The following MUC5B variants were observed in gnomAD, a reference collection of about 807,000 sequenced individuals.
MUC5B encodes the protein mucin 5B, oligomeric mucus/gel-forming.
MUC5B carries 116 observed loss-of-function variants against 376.9 expected under a neutral mutation model. The ratio of observed to expected loss-of-function variants is 0.31; its 90% CI spans 0.26 to 0.36. The LOEUF is 0.36. Ranked by LOEUF, MUC5B falls within the 10% of genes least tolerant of loss-of-function variation. The pLI, the probability that MUC5B is intolerant of heterozygous loss-of-function variation, is 1.00. For missense variants in MUC5B, 7,165 were observed against 7,769.9 expected (o/e 0.92, Z 2.93); for synonymous variants, 3,517 against 3,390.9 (o/e 1.04, Z -1.29).
chr11:1,260,419 C>T (rs1455308063), intron 47 of MUC5B, 26 bp downstream of exon 47: 2 of 1,611,836 alleles, frequency 1.2e-6, no homozygotes, highest in Admixed American at 1.7e-5. Context: ...CTTCCCACAC[C>T]AGCCCTCCAG....
Position 1,257,104 on chromosome 11 carries a change from G to T in MUC5B, c.16238-136G>T. On this transcript the variant is annotated intron_variant, in intron 39 of 48. Transcript: ENST00000529681. This position sits in a 1 kb window ranked among gnomAD's most constrained non-coding sequence, Gnocchi z 8.9. ...CCTGGCCTGAGCTCCAGCCACATCTGACACCCCAAAAGTTCTCCAGGGCCT... is the reference window on the plus strand; with the variant it reads ...CCTGGCCTGAGCTCCAGCCACATCTTACACCCCAAAAGTTCTCCAGGGCCT... 1 of 688,464 alleles carries T rather than the reference G, an allele frequency of 1.5e-6. No homozygotes were observed. The highest frequency in any genetic ancestry group is 2.7e-6 in the Non-Finnish European group (1 of 369,582). 42.6% of individuals were successfully genotyped at this position (688,464 alleles called of 1,614,324 possible).
rs1293348355 is a variant in MUC5B, at chr11:1,233,829, C to T, written c.2358C>T (p.Ala786=). The change falls in exon 19 of 49, where the codon GCC becomes GCT. Residue 786 remains alanine, a synonymous_variant. Transcript: ENST00000529681. ...CTGGKLSCLG[A]SLQKSTGCAA... ...GTGGGAAGCTAAGCTGCCTGGGAGC[C>T]TCTCTGCAGAAAAGCACAGGTAAGT... is the stretch of plus-strand genomic sequence containing the variant. The T allele has an allele frequency of 6.2e-7, 1 of 1,604,714 alleles. No individual in the cohort carries two copies.
chr11:1,241,493 G>A lies in MUC5B; in HGVS notation c.4613G>A (p.Gly1538Glu), dbSNP rs1416892775. Residue 1538 changes from glycine (G) to glutamate (E), a missense_variant, in exon 31 of 49, where the codon GGG becomes GAG. Coordinates refer to ENST00000529681, the MANE Select transcript of MUC5B (RefSeq NM_002458.3). ...TACGATAAGATCAGGGCCGCTGGAG[G>A]GCACTTATGCCAGCAGCCTAAGGAC... ...ESYDKIRAAGGHLCQQPKDIE... is the reference protein window; with the variant it reads ...ESYDKIRAAGEHLCQQPKDIE... The A allele has an allele frequency of 2.5e-6, 4 of 1,613,588 alleles. No individual in the cohort carries two copies. Among genetic ancestry groups the A allele is most frequent in the African/African-American group, 2.7e-5 (2 of 74,902 alleles).
In MUC5B at chr11:1,255,152, G is replaced by A; in HGVS notation, c.15776G>A (p.Gly5259Asp). ...TWLVPDSRKD[G>D]CWAPTGTPPT... Reference sequence around the variant, plus strand: ...CTGGTCCCCGACAGCAGAAAGGATGGCTGCTGGGCCCCGACTGGCACACCC... The same window carrying A: ...CTGGTCCCCGACAGCAGAAAGGATGACTGCTGGGCCCCGACTGGCACACCC... The change falls in exon 36 of 49, where the codon GGC becomes GAC. Residue 5259 changes from glycine to aspartate, a missense_variant. By Grantham distance (94) the Gly-to-Asp change is moderately conservative (BLOSUM62 -1). Transcript: ENST00000529681. The A allele has an allele frequency of 1.3e-6, 2 of 1,568,516 alleles. No individual in the cohort carries two copies. Among genetic ancestry groups the A allele is most frequent in the Non-Finnish European group, 1.7e-6 (2 of 1,158,072 alleles).
At chr11:1,230,848 G>A (rs1293656715) in intron 12 of MUC5B, 88 bp from the exon 13 acceptor site, 2 of 1,472,618 alleles carry the variant, frequency 1.4e-6, no homozygotes, top group Non-Finnish European at 1.9e-6. Flanking sequence ...TGTCCCCAGT[G>A]GGGGCCCCTG....
chr11:1,256,785 C>T lies in MUC5B; in HGVS notation c.16237+14C>T, dbSNP rs370710533. 105 of 1,517,148 alleles carry T rather than the reference C, an allele frequency of 6.9e-5. No individual in the cohort carries two copies. The African/African-American group carries it at 1.2e-3, about 17-fold the overall frequency. The allele number at this position is 1,517,148 out of a possible 1,614,324, so 94.0% of individuals were successfully genotyped here. A position where few individuals can be genotyped will look rare whatever the true frequency, so the allele number is the denominator to read the frequency against. On this transcript the variant is annotated intron_variant, in intron 39 of 48. Transcript: ENST00000529681. ...TGCAGGCCTGCCGTAAGCTCCGCCACCTGTGGCGGGATACGACCCTGGGCC... is the reference window on the plus strand; with the variant it reads ...TGCAGGCCTGCCGTAAGCTCCGCCATCTGTGGCGGGATACGACCCTGGGCC...
chr11:1,236,640 G>A, intron 24 of MUC5B, 78 bp downstream of exon 24: 3 of 1,451,170 alleles, frequency 2.1e-6, no homozygotes, highest in African/African-American at 1.4e-5. Flanking sequence ...GGTGGGGTCT[G>A]TGGGACTCGC....
Position 1,251,127 on chromosome 11 carries a change from C to G in MUC5B, c.14247C>G (p.Ser4749Arg), listed in dbSNP as rs757247973. ...CAGCCACAAAATCCACAGCTACCAG[C>G]TTTACACCCATCCCCTCCTCCACCC... Reference protein sequence around the residue: ...TSTATKSTATSFTPIPSSTLW... With the variant: ...TSTATKSTATRFTPIPSSTLW... Residue 4749 changes from serine (S) to arginine (R), a missense_variant, in exon 31 of 49, where the codon AGC (serine) becomes AGG (arginine). Ser to Arg is a moderately radical substitution (Grantham distance 110). Transcript: ENST00000529681. The G allele has an allele frequency of 1.9e-6, 3 of 1,611,430 alleles. No homozygotes were observed. The highest frequency in any genetic ancestry group is 2.5e-6 in the Non-Finnish European group (3 of 1,178,318).
rs142505562 is a variant in MUC5B at position 1,230,990 on chromosome 11, C to T, written c.1525C>T (p.Leu509=). 1,447 of 1,596,048 alleles carry T rather than the reference C, an allele frequency of 9.1e-4. 23 individuals carry two copies. In the African/African-American group the frequency reaches 0.017, roughly 19 times the overall value. ...GTTCCTCAACTCCATCTACACGCAG[C>T]TGCCCCTGTCGGCAGGTATGTGGCT... The part of the protein sequence containing the change: ...GVFLNSIYTQ[L]PLSAANITLF... Residue 509 remains leucine (L), a synonymous_variant, in exon 13 of 49, where the codon CTG becomes TTG. Transcript: ENST00000529681.
chr11:1,239,884 G>A lies in MUC5B; in HGVS notation c.3669G>A (p.Lys1223=). Residue 1223 remains lysine, a synonymous_variant, in exon 28 of 49, where the codon AAG becomes AAA. Coordinates refer to ENST00000529681, the MANE Select transcript of MUC5B (RefSeq NM_002458.3). ...KCVAQCGCYD[K]DGNYYDVGAR... ...TGGCCCAGTGTGGCTGCTACGACAA[G>A]GACGGAAACTACTATGACGTCGGTG... 3 of 1,613,294 alleles carry A rather than the reference G, an allele frequency of 1.9e-6. No homozygotes were observed. Among genetic ancestry groups the A allele is most frequent in the Non-Finnish European group, 2.5e-6 (3 of 1,179,692 alleles).
At position 1,248,009 on chromosome 11, in the gene MUC5B, C is replaced by T. The variant is rs749711193; in HGVS notation, c.11129C>T (p.Ala3710Val). ...ACGACTGAGTCCACTGGATCCACGG[C>T]CACCCCGTCCTCCACCCCAGGGACC... The part of the protein sequence containing the change: ...ATTTESTGST[A>V]TPSSTPGTTW... The change falls in exon 31 of 49, where the codon GCC (alanine) becomes GTC (valine). Residue 3710 changes from alanine (A) to valine (V), a missense_variant. By Grantham distance (64) the Ala-to-Val change is moderately conservative. Coordinates refer to ENST00000529681, the MANE Select transcript of MUC5B (RefSeq NM_002458.3). 12 of 1,609,566 alleles carry T rather than the reference C, an allele frequency of 7.5e-6. No individual in the cohort carries two copies. The Admixed American group carries it at 1.5e-4, about 20-fold the overall frequency.
At position 1,249,591 on chromosome 11, in the gene MUC5B, G is replaced by A. The variant is rs963380445; in HGVS notation, c.12711G>A (p.Thr4237=). ...CCAGCACCCCGGCCACCAGCTCTACGGCCATGCCCTCCTCCACTCCGGGGA... is the reference window on the plus strand; with the variant it reads ...CCAGCACCCCGGCCACCAGCTCTACAGCCATGCCCTCCTCCACTCCGGGGA... ...HCPSTPATSS[T]AMPSSTPGTT... The change falls in exon 31 of 49, where the codon ACG becomes ACA. Residue 4237 remains threonine, a synonymous_variant. Coordinates refer to ENST00000529681, the MANE Select transcript of MUC5B (RefSeq NM_002458.3). 17 of 1,611,798 alleles carry A rather than the reference G, an allele frequency of 1.1e-5. No homozygotes were observed. Among genetic ancestry groups the A allele is most frequent in the African/African-American group, 5.4e-5 (4 of 74,746 alleles).
At chr11:1,230,793 T>A in intron 12 of MUC5B, 143 bp from the exon 13 acceptor site, 1 of 1,061,618 alleles carries the variant, frequency 9.4e-7, no homozygotes, top group South Asian at 1.5e-5. Flanking sequence ...GGGGGGCAAT[T>A]GCAGAGCCCA....
intron 12 of MUC5B, 100 bp downstream of exon 12, chr11:1,230,700 G>T: frequency 8.7e-7 from 1 of 1,152,664 alleles, no homozygotes; most frequent in South Asian, 1.5e-5. Flanking sequence ...CCGAGGCCAG[G>T]TCCCCCCTCC....
rs756782696 is a variant in MUC5B at position 1,248,396 on chromosome 11, C to G, written c.11516C>G (p.Thr3839Ser). The G allele has an allele frequency of 5.6e-6, 9 of 1,612,892 alleles. No homozygotes were observed. The highest frequency in any genetic ancestry group is 7.6e-6 in the Non-Finnish European group (9 of 1,179,480). Reference protein sequence around the residue: ...ETAHTSTVLTTTATTTRATGS... With the variant: ...ETAHTSTVLTSTATTTRATGS... Reference sequence around the variant, plus strand: ...GCCCACACCTCCACAGTGCTTACCACCACGGCCACCACAACCAGGGCCACC... The same window carrying G: ...GCCCACACCTCCACAGTGCTTACCAGCACGGCCACCACAACCAGGGCCACC... The change falls in exon 31 of 49, where the codon ACC (threonine) becomes AGC (serine). Residue 3839 changes from threonine to serine, a missense_variant. Physicochemically the swap from Thr to Ser is moderately conservative, Grantham distance 58. This residue lies in a region of MUC5B where 242 missense variants were observed against 199.0 expected (regional missense o/e 1.22). Transcript: ENST00000529681.
At position 1,261,729 on chromosome 11, in the gene MUC5B, C is replaced by T; in HGVS notation, c.*121C>T. 1 of 1,024,454 alleles carries T rather than the reference C, an allele frequency of 9.8e-7. No homozygotes were observed. The highest frequency in any genetic ancestry group is 1.6e-5 in the African/African-American group (1 of 63,210). The allele number at this position is 1,024,454 out of a possible 1,614,324, so 63.5% of individuals were successfully genotyped here. A position where few individuals can be genotyped will look rare whatever the true frequency, so the allele number is the denominator to read the frequency against. Reference sequence around the variant, plus strand: ...CGGCCTGTGTGTGGCACCCCGCGCTCCGTGCTCCTGCTGCCCACCCCGTGG... The same window carrying T: ...CGGCCTGTGTGTGGCACCCCGCGCTTCGTGCTCCTGCTGCCCACCCCGTGG... On this transcript the variant is annotated 3_prime_UTR_variant, in exon 49 of 49. Transcript: ENST00000529681.
Position 1,231,413 on chromosome 11 carries a change from C to T in MUC5B, c.1541-10C>T, listed in dbSNP as rs371955175. 6.2e-6 allele frequency: 10 copies of T among 1,604,708 alleles called. No individual in the cohort carries two copies. In the African/African-American group the frequency reaches 6.7e-5, roughly 11 times the overall value. On this transcript the variant is annotated splice_polypyrimidine_tract_variant and intron_variant, in intron 13 of 48. Transcript: ENST00000529681. ...ACCCCTGACCGGCCTCTCCCCCACA[C>T]TCCCGGCAGCCAACATCACCCTGTT...
intron 24 of MUC5B, 137 bp from the exon 25 acceptor site, chr11:1,236,788 A>T (rs1052210523): frequency 2.9e-5 from 34 of 1,178,710 alleles, no homozygotes; most frequent in Non-Finnish European, 3.7e-5. Flanking sequence ...CTACAAGTTC[A>T]CCAGGCACTG....
At chr11:1,256,277 GGTCTGGGGGA>G (rs1398355786) in intron 38 of MUC5B, 52 bp downstream of exon 38, 2 of 712,898 alleles carry the variant, frequency 2.8e-6, no homozygotes, top group African/African-American at 1.8e-5. Context: ...CTGCCTGACC[GGTCTGGGGGA>G]GCAGGAGGAG....
Sources: allele counts gnomAD v4.1 joint callset, GRCh38; gene constraint gnomAD v4.1.1; regional missense constraint gnomAD v4.1.1; non-coding constraint Gnocchi (gnomAD v3.1); transcripts MANE v1.5; gene names NCBI Gene and HGNC (gene_info 2026-07-23, HGNC 2026-07-21).